The following NFX1 variants were observed in gnomAD, a reference collection of about 807,000 sequenced individuals.
NFX1 encodes nuclear transcription factor, X-box binding 1, also known as transcriptional repressor NF-X1.
NFX1 carries 69 observed loss-of-function variants against 137.2 expected under a neutral mutation model. The ratio of observed to expected loss-of-function variants is 0.50; its 90% CI spans 0.41 to 0.61. The LOEUF (loss-of-function observed/expected upper bound fraction) is 0.61, where lower values mean the gene tolerates loss of function less well. NFX1 is among the 20% of genes least tolerant of loss of function. The pLI, the probability that NFX1 is intolerant of heterozygous loss-of-function variation, is 0.00. For synonymous variants in NFX1, 495 were observed against 474.1 expected (o/e 1.04, Z -0.57); for missense variants, 1,167 against 1,391.0 (o/e 0.84, Z 2.56).
At position 33,351,774 on chromosome 9, in the gene NFX1, C is replaced by T. The variant is rs1823646940; in HGVS notation, c.2639C>T (p.Thr880Ile). Reference protein sequence around the residue: ...PCHTSSPCPVTACKAKVELQC... With the variant: ...PCHTSSPCPVIACKAKVELQC... ...CATACCAGCTCACCCTGCCCTGTGA[C>T]TGCTTGTAAAGCTAAGGTGGGTATT... The change falls in exon 16 of 24, where the codon ACT becomes ATT. Residue 880 changes from threonine (T) to isoleucine (I), a missense_variant. By Grantham distance (89) the Thr-to-Ile change is moderately conservative. Transcript: ENST00000379540. The T allele has an allele frequency of 1.3e-6, 2 of 1,589,750 alleles. No homozygotes were observed. Among genetic ancestry groups the T allele is most frequent in the African/African-American group, 2.7e-5 (2 of 74,286 alleles).
chr9:33,335,994 C>CT (rs1461252821), intron 11 of NFX1, among the ~76,000 whole-genome samples: 2 of 152,080 alleles, frequency 1.3e-5, no homozygotes, highest in South Asian at 4.2e-4. Context: ...CTGTTATGAA[C>CT]ATTTGTATAC....
At chr9:33,357,514 C>T (rs1440961450) in intron 19 of NFX1, among the ~76,000 whole-genome samples, 1 of 151,646 alleles carries the variant, frequency 6.6e-6, no homozygotes, top group Non-Finnish European at 1.5e-5. Flanking sequence ...TTTACATTTC[C>T]ACTTAATGTC....
intron 12 of NFX1, among the ~76,000 whole-genome samples, chr9:33,342,235 G>A (rs1823253435): frequency 6.6e-6 from 1 of 152,122 alleles, no homozygotes; most frequent in Admixed American, 6.5e-5. Flanking sequence ...GCCAAGGTGG[G>A]CGGATCATGA....
chr9:33,290,697 G>A, intron 1 of NFX1, 100 bp downstream of exon 1: 1 of 1,168,910 alleles, frequency 8.6e-7, no homozygotes, highest in Non-Finnish European at 1.2e-6. Context: ...CGCGAGAGTA[G>A]CACATGCTAG....
intron 3 of NFX1, among the ~76,000 whole-genome samples, chr9:33,302,357 ATTTTTTTTTTT>A (rs33976056): frequency 1.4e-5 from 1 of 70,980 alleles, no homozygotes; most frequent in African/African-American, 5.4e-5. Context: ...ATCTAACTGT[ATTTTTTTTTTT>A]TTTTTTTTTT....
At chr9:33,337,404 CTG>C (rs1272999680) in intron 11 of NFX1, among the ~76,000 whole-genome samples, 3 of 152,140 alleles carry the variant, frequency 2.0e-5, no homozygotes. Flanking sequence ...ACTTCAATAT[CTG>C]TGGATTTTGA....
chr9:33,368,303 G>A (rs1342584211), intron 23 of NFX1, among the ~76,000 whole-genome samples: 2 of 152,030 alleles, frequency 1.3e-5, no homozygotes, highest in Non-Finnish European at 2.9e-5. Context: ...CGGTGACGGG[G>A]GTGGATAGTA....
chr9:33,361,180 A>G (rs1276204372), intron 19 of NFX1, among the ~76,000 whole-genome samples: 1 of 152,236 alleles, frequency 6.6e-6, no homozygotes, highest in South Asian at 2.1e-4. Flanking sequence ...ATGGGAAATG[A>G]TTAAAATATG....
Position 33,295,009 on chromosome 9 carries a change from C to T in NFX1, c.615C>T (p.Pro205=), listed in dbSNP as rs368961737. ...RTTPKPEDAG[P]ESTKPVGVFH... is the part of the protein sequence containing the mutation. ...CTCCAAAACCGGAGGATGCTGGACC[C>T]GAAAGTACCAAACCTGTGGGGGTTT... The change falls in exon 2 of 24, where the codon CCC becomes CCT. Residue 205 remains proline, a synonymous_variant. Coordinates refer to ENST00000379540, the MANE Select transcript of NFX1 (RefSeq NM_002504.6). 2.9e-5 allele frequency: 46 copies of T among 1,613,968 alleles called. No individual in the cohort carries two copies. Among genetic ancestry groups the T allele is most frequent in the African/African-American group, 1.1e-4 (8 of 74,872 alleles).
At chr9:33,297,224 T>C (rs964176196) in intron 2 of NFX1, among the ~76,000 whole-genome samples, 10 of 152,210 alleles carry the variant, frequency 6.6e-5, no homozygotes, top group Admixed American at 6.6e-5. Flanking sequence ...TGCTAGCTCT[T>C]CCTCCTGGAC....
chr9:33,298,352 TA>T (rs1174164924), intron 2 of NFX1, among the ~76,000 whole-genome samples: 2 of 152,016 alleles, frequency 1.3e-5, no homozygotes, highest in Non-Finnish European at 2.9e-5. Flanking sequence ...GCAATGAAGA[TA>T]GGGGCAGGAA....
intron 1 of NFX1, among the ~76,000 whole-genome samples, chr9:33,291,752 A>G (rs1006385220): frequency 2.0e-5 from 3 of 152,098 alleles, no homozygotes; most frequent in Non-Finnish European, 4.4e-5. Context: ...AAATACAAAA[A>G]ATTAGCTGGG....
intron 15 of NFX1, among the ~76,000 whole-genome samples, chr9:33,349,957 C>T (rs1464209571): frequency 1.3e-5 from 2 of 151,876 alleles, no homozygotes; most frequent in African/African-American, 4.8e-5. Context: ...CAGTGAGACA[C>T]GATTGTGCAA....
chr9:33,343,175 T>C (rs1157228835), intron 13 of NFX1, among the ~76,000 whole-genome samples: 5 of 152,192 alleles, frequency 3.3e-5, no homozygotes, highest in Non-Finnish European at 7.3e-5. Flanking sequence ...AGCAGCAGTT[T>C]GCAAACTTTT....
chr9:33,293,861 A>G (rs1399215717), intron 1 of NFX1, among the ~76,000 whole-genome samples: 1 of 152,248 alleles, frequency 6.6e-6, no homozygotes. Context: ...AGTACTATCT[A>G]TGAAATCATA....
intron 19 of NFX1, among the ~76,000 whole-genome samples, chr9:33,362,797 G>A (rs112522551): frequency 0.017 from 2,413 of 142,052 alleles, 72 homozygotes; most frequent in African/African-American, 0.058. Flanking sequence ...TCTGCCTCCC[G>A]GGTTCAAGCG....
At chr9:33,307,992 A>G (rs1272930946) in intron 5 of NFX1, among the ~76,000 whole-genome samples, 1 of 151,648 alleles carries the variant, frequency 6.6e-6, no homozygotes, top group Non-Finnish European at 1.5e-5. Flanking sequence ...TTTGGTAGAA[A>G]TGGGGTTTTG....
Position 33,312,707 on chromosome 9 carries a change from C to T in NFX1, c.1449-947C>T, listed in dbSNP as rs538616027. 3.3e-5 allele frequency among the ~76,000 whole-genome samples: 5 copies of T among 152,276 alleles called. No individual in the cohort carries two copies. The South Asian group carries it at 8.3e-4, about 25-fold the overall frequency. ...CCAACATGGTGAAACCCCGTCTCTA[C>T]TAAAAATACAAAAATTGGCTGGGTG... On this transcript the variant is annotated intron_variant, in intron 6 of 23. Coordinates refer to ENST00000379540, the MANE Select transcript of NFX1 (RefSeq NM_002504.6).
At chr9:33,297,937 A>G (rs570601312) in intron 2 of NFX1, among the ~76,000 whole-genome samples, 6 of 152,354 alleles carry the variant, frequency 3.9e-5, no homozygotes, top group East Asian at 1.9e-4. Context: ...CTGGAAGACC[A>G]TCTTAGAATT....
Sources: gnomAD v4.1 joint callset for allele counts (sites outside exome capture counted in the v4.1 genomes callset) on GRCh38, gnomAD v4.1.1 for gene constraint, MANE v1.5 for transcripts, NCBI Gene and HGNC (gene_info 2026-07-23, HGNC 2026-07-21) for gene names.